PCED1A: variants seen among roughly 807,000 people sequenced by gnomAD.
The protein encoded by PCED1A is PC-esterase domain-containing protein 1A.
A neutral mutation model predicts 41.9 loss-of-function variants in PCED1A; 20 were observed. The observed-to-expected ratio is 0.48, with a 90% CI of 0.34 to 0.69. PCED1A has a LOEUF of 0.69. Among genes scored for constraint, PCED1A ranks in the 30% least tolerant of loss-of-function variants. PCED1A has a pLI of 0.01. For missense variants in PCED1A, 498 were observed against 602.1 expected, an observed-to-expected ratio of 0.83 and a Z score of 1.81; for synonymous variants, 236 against 241.3, an observed-to-expected ratio of 0.98 and a Z score of 0.20.
In PCED1A at chr20:2,839,177, C is replaced by T; in HGVS notation, c.204+15G>A. 6 of 1,612,936 alleles carry T rather than the reference C, an allele frequency of 3.7e-6. No homozygotes were observed. Among genetic ancestry groups the T allele is most frequent in the Non-Finnish European group, 4.2e-6 (5 of 1,179,806 alleles). ...TGCCCACCCACCACTGACATGGCCACCAAGCTTCCCTCACCTTGGCTTTCA... is the reference window on the plus strand; with the variant it reads ...TGCCCACCCACCACTGACATGGCCATCAAGCTTCCCTCACCTTGGCTTTCA... On this transcript the variant is annotated intron_variant, in intron 3 of 7. Transcript: ENST00000360652.
rs2088804364 is a variant in PCED1A at position 2,835,436 on chromosome 20, C to G, written c.*26G>C. 6.3e-7 allele frequency: 1 copy of G among 1,585,044 alleles called. No homozygotes were observed. The highest frequency in any genetic ancestry group is 1.7e-5 in the Admixed American group (1 of 58,514). ...GGCAGGCCCTGAAGGGCCATTGGCA[C>G]ATCCAGTCCCAGCCCAAGATCCAGT... On this transcript the variant is annotated 3_prime_UTR_variant, in exon 8 of 8. Coordinates refer to ENST00000360652, the MANE Select transcript of PCED1A (RefSeq NM_022760.6).
chr20:2,835,428 C>T lies in PCED1A; in HGVS notation c.*34G>A, dbSNP rs756356507. 1.9e-6 allele frequency: 3 copies of T among 1,577,726 alleles called. No individual in the cohort carries two copies. In the South Asian group the frequency reaches 3.5e-5, roughly 18 times the overall value. On this transcript the variant is annotated 3_prime_UTR_variant, in exon 8 of 8. Coordinates refer to ENST00000360652, the MANE Select transcript of PCED1A (RefSeq NM_022760.6). ...AGGTGCCAGGCAGGCCCTGAAGGGC[C>T]ATTGGCACATCCAGTCCCAGCCCAA...
chr20:2,836,291 C>G lies in PCED1A; in HGVS notation c.865G>C (p.Glu289Gln). The G allele has an allele frequency of 6.2e-7, 1 of 1,614,144 alleles. No individual in the cohort carries two copies. The highest frequency in any genetic ancestry group is 1.1e-5 in the South Asian group (1 of 91,078). ...PPDPWIEDWAEMNHPFQGSHR... is the reference protein window; with the variant it reads ...PPDPWIEDWAQMNHPFQGSHR... ...CTTCCCTGGAATGGATGATTCATCT[C>G]TGCCCAGTCCTCAATCCACGGGTCT... The change falls in exon 7 of 8, where the codon GAG becomes CAG. Residue 289 changes from glutamate to glutamine, a missense_variant. Physicochemically the swap from Glu to Gln is conservative, Grantham distance 29. Coordinates refer to ENST00000360652, the MANE Select transcript of PCED1A (RefSeq NM_022760.6).
chr20:2,838,335 A>T lies in PCED1A; in HGVS notation c.738T>A (p.Gly246=). ...RHAVQHRHRD[G]VHWDQHAHRH... ...GGTGTGCATGCTGGTCCCAGTGGAC[A>T]CCATCCCGATGACGGTGCTGTACTG... The change falls in exon 6 of 8, where the codon GGT becomes GGA. Residue 246 remains glycine (G), a synonymous_variant. Coordinates refer to ENST00000360652, the MANE Select transcript of PCED1A (RefSeq NM_022760.6). The surrounding 1 kb of genome is among the most constrained non-coding windows in gnomAD (Gnocchi z 5.8). 1 of 1,614,258 alleles carries T rather than the reference A, an allele frequency of 6.2e-7. No homozygotes were observed. Among genetic ancestry groups the T allele is most frequent in the Non-Finnish European group, 8.5e-7 (1 of 1,180,042 alleles).
In PCED1A at chr20:2,835,585, G is replaced by A; in HGVS notation, c.1242C>T (p.Ser414=). ...HRGMPRYVPN[S]PYHVRRMGGP... is the part of the protein sequence containing the mutation. ...CCCCCATTCTCCGCACATGGTAGGG[G>A]CTGTTAGGAACATAGCGTGGCATCC... The change falls in exon 8 of 8, where the codon AGC becomes AGT. Residue 414 remains serine (S), a synonymous_variant. Coordinates refer to ENST00000360652, the MANE Select transcript of PCED1A (RefSeq NM_022760.6). 6.2e-7 allele frequency: 1 copy of A among 1,614,198 alleles called. No individual in the cohort carries two copies. Among genetic ancestry groups the A allele is most frequent in the Non-Finnish European group, 8.5e-7 (1 of 1,180,016 alleles).
At position 2,838,718 on chromosome 20, in the gene PCED1A, G is replaced by T; in HGVS notation, c.472C>A (p.Arg158=). 1 of 1,614,140 alleles carries T rather than the reference G, an allele frequency of 6.2e-7. No homozygotes were observed. Among genetic ancestry groups the T allele is most frequent in the Non-Finnish European group, 8.5e-7 (1 of 1,180,026 alleles). ...ACAAACACCCGCTCCAGGTTCTCCC[G>T]GTAGCTCTCCATTGAGCAGCGACCA... ...RYGRCSMESY[R]ENLERVFVRM... Residue 158 remains arginine, a synonymous_variant, in exon 5 of 8, where the codon CGG becomes AGG. Transcript: ENST00000360652. The surrounding 1 kb of genome is among the most constrained non-coding windows in gnomAD (Gnocchi z 5.8).
At position 2,840,274 on chromosome 20, in the gene PCED1A, C is replaced by G. The variant is rs2088939070; in HGVS notation, c.-85G>C. Reference sequence around the variant, plus strand: ...GTATGCCTGCGCACCGCGCGCCTGGCCCGCAGCGGGCTCCTAGCCAAGCCT... The same window carrying G: ...GTATGCCTGCGCACCGCGCGCCTGGGCCGCAGCGGGCTCCTAGCCAAGCCT... On this transcript the variant is annotated 5_prime_UTR_variant, in exon 1 of 8. Transcript: ENST00000360652. The G allele has an allele frequency of 1.2e-5, 3 of 240,568 alleles. No homozygotes were observed. Among genetic ancestry groups the G allele is most frequent in the Middle Eastern group, 1.4e-3 (1 of 722 alleles). The allele number at this position is 240,568 out of a possible 1,614,324, so 14.9% of individuals were successfully genotyped here. A position where few individuals can be genotyped will look rare whatever the true frequency, so the allele number is the denominator to read the frequency against.
rs764951009 is a variant in PCED1A, at chr20:2,839,094, C to T, written c.205-12G>A. On this transcript the variant is annotated splice_polypyrimidine_tract_variant and intron_variant, in intron 3 of 7. Transcript: ENST00000360652. Reference sequence around the variant, plus strand: ...AAGCTCAGCTCCCCCTACCCACCCCCCCCACCCTACTGGTCAGACCCATGC... The same window carrying T: ...AAGCTCAGCTCCCCCTACCCACCCCTCCCACCCTACTGGTCAGACCCATGC... 5 of 1,588,686 alleles carry T rather than the reference C, an allele frequency of 3.1e-6. No homozygotes were observed. The African/African-American group carries it at 4.1e-5, about 13-fold the overall frequency.
At position 2,839,934 on chromosome 20, in the gene PCED1A, C is replaced by A; in HGVS notation, c.-21-1G>T. The A allele has an allele frequency of 6.2e-7, 1 of 1,606,938 alleles. No individual in the cohort carries two copies. Among genetic ancestry groups the A allele is most frequent in the East Asian group, 2.2e-5 (1 of 44,808 alleles). ...CCATGCCGCCACCAGCAACGACAGG[C>A]TGCAGGGAGAGGCCACTAAGCAGCG... On this transcript the variant is annotated splice_acceptor_variant, in intron 1 of 7. Transcript: ENST00000360652. LOFTEE classifies it low-confidence loss of function (5UTR_SPLICE).
In PCED1A at chr20:2,840,636, G is replaced by A; in HGVS notation, c.-447C>T. On this transcript the variant is annotated 5_prime_UTR_variant, in exon 1 of 8. Coordinates refer to ENST00000360652, the MANE Select transcript of PCED1A (RefSeq NM_022760.6). ...GCTGGGGTCTCGGGGCGGCAGCCAA[G>A]TGAGGCTGCCCACAGTGGTGATGGC... The A allele has an allele frequency of 3.2e-6, 3 of 942,464 alleles. No homozygotes were observed. Among genetic ancestry groups the A allele is most frequent in the Non-Finnish European group, 4.9e-6 (3 of 608,926 alleles). 58.4% of individuals were successfully genotyped at this position (942,464 alleles called of 1,614,324 possible). A position where few individuals can be genotyped will look rare whatever the true frequency, so the allele number is the denominator to read the frequency against.
chr20:2,840,875 C>T (rs1488145717), upstream of PCED1A: 2 of 1,526,006 alleles, frequency 1.3e-6, no homozygotes, highest in South Asian at 1.2e-5. Flanking sequence ...CCCTGCTCGC[C>T]CGCCGGCTGG....
Position 2,839,951 on chromosome 20 carries a change from T to C in PCED1A, c.-21-18A>G. 1 of 1,595,026 alleles carries C rather than the reference T, an allele frequency of 6.3e-7. No homozygotes were observed. Among genetic ancestry groups the C allele is most frequent in the Admixed American group, 1.7e-5 (1 of 58,672 alleles). On this transcript the variant is annotated intron_variant, in intron 1 of 7. Coordinates refer to ENST00000360652, the MANE Select transcript of PCED1A (RefSeq NM_022760.6). ...ACGACAGGCTGCAGGGAGAGGCCAC[T>C]AAGCAGCGCGATGGTGGGGACTCTG...
chr20:2,840,508 C>A lies in PCED1A; in HGVS notation c.-319G>T. ...CCGTTCACCCATGTCCCGCCCTGAG[C>A]GACCCCCAGTGCCCGAAGGGAAAGC... is the stretch of plus-strand genomic sequence containing the variant. On this transcript the variant is annotated 5_prime_UTR_variant, in exon 1 of 8. Coordinates refer to ENST00000360652, the MANE Select transcript of PCED1A (RefSeq NM_022760.6). 1 of 546,168 alleles carries A rather than the reference C, an allele frequency of 1.8e-6. No individual in the cohort carries two copies. The highest frequency in any genetic ancestry group is 2.1e-5 in the South Asian group (1 of 47,906). The allele number at this position is 546,168 out of a possible 1,614,324, so 33.8% of individuals were successfully genotyped here.
upstream of PCED1A, chr20:2,840,740 C>A (rs761983952): frequency 6.5e-7 from 1 of 1,546,936 alleles, no homozygotes; most frequent in Non-Finnish European, 8.7e-7. Context: ...GGTGGGTGTC[C>A]CCTCGGTGCT....
Position 2,840,655 on chromosome 20 carries a change from T to C in PCED1A, c.-466A>G. On this transcript the variant is annotated 5_prime_UTR_variant, in exon 1 of 8. Coordinates refer to ENST00000360652, the MANE Select transcript of PCED1A (RefSeq NM_022760.6). Reference sequence around the variant, plus strand: ...AGCCAAGTGAGGCTGCCCACAGTGGTGATGGCCGCGGCGGCGGCCTCGCCA... The same window carrying C: ...AGCCAAGTGAGGCTGCCCACAGTGGCGATGGCCGCGGCGGCGGCCTCGCCA... The C allele has an allele frequency of 2.6e-6, 3 of 1,132,136 alleles. No homozygotes were observed. Among genetic ancestry groups the C allele is most frequent in the Non-Finnish European group, 3.9e-6 (3 of 771,378 alleles). 70.1% of individuals were successfully genotyped at this position (1,132,136 alleles called of 1,614,324 possible). A position where few individuals can be genotyped will look rare whatever the true frequency, so the allele number is the denominator to read the frequency against.
In PCED1A at chr20:2,839,941, G is replaced by A. The variant is rs374289544; in HGVS notation, c.-21-8C>T. On this transcript the variant is annotated splice_polypyrimidine_tract_variant and splice_region_variant and intron_variant, in intron 1 of 7. Transcript: ENST00000360652. Reference sequence around the variant, plus strand: ...GCCACCAGCAACGACAGGCTGCAGGGAGAGGCCACTAAGCAGCGCGATGGT... The same window carrying A: ...GCCACCAGCAACGACAGGCTGCAGGAAGAGGCCACTAAGCAGCGCGATGGT... 3 of 1,605,040 alleles carry A rather than the reference G, an allele frequency of 1.9e-6. No homozygotes were observed. The highest frequency in any genetic ancestry group is 1.1e-5 in the South Asian group (1 of 90,516).
rs74973574 is a variant in PCED1A at position 2,835,368 on chromosome 20, T to C, written c.*94A>G. 2.0e-3 allele frequency: 2,956 copies of C among 1,446,762 alleles called. 57 individuals are homozygous for C. The African/African-American group carries it at 0.035, about 17-fold the overall frequency. 89.6% of individuals were successfully genotyped at this position (1,446,762 alleles called of 1,614,324 possible). A position where few individuals can be genotyped will look rare whatever the true frequency, so the allele number is the denominator to read the frequency against. ...TGGTGACAGCAATGGACAAGAACAATACCAGGCATAGCAGACACCCTAGCC... is the reference window on the plus strand; with the variant it reads ...TGGTGACAGCAATGGACAAGAACAACACCAGGCATAGCAGACACCCTAGCC... On this transcript the variant is annotated 3_prime_UTR_variant, in exon 8 of 8. Coordinates refer to ENST00000360652, the MANE Select transcript of PCED1A (RefSeq NM_022760.6).
rs147120947 is a variant in PCED1A at position 2,836,640 on chromosome 20, C to T, written c.842-326G>A. Among the ~76,000 whole-genome samples the T allele has an allele frequency of 2.5e-3, 386 of 152,276 alleles. 1 individual carries two copies. Among genetic ancestry groups the T allele is most frequent in the Non-Finnish European group, 4.4e-3 (302 of 68,018 alleles). ...CAGTAAATAAGCCAAACATAAAGATCCTGTTATTCCCTTCCCCAACAACTT... is the reference window on the plus strand; with the variant it reads ...CAGTAAATAAGCCAAACATAAAGATTCTGTTATTCCCTTCCCCAACAACTT... On this transcript the variant is annotated intron_variant, in intron 6 of 7. Transcript: ENST00000360652.
At position 2,837,447 on chromosome 20, in the gene PCED1A, C is replaced by T. The variant is rs1405179165; in HGVS notation, c.841+785G>A. 2.0e-5 allele frequency among the ~76,000 whole-genome samples: 3 copies of T among 152,252 alleles called. No individual in the cohort carries two copies. In the East Asian group the frequency reaches 5.8e-4, roughly 29 times the overall value. ...ACTGGGGCTGAAAGGGGTGAGTCGT[C>T]AACAAGTGCAGCAGGAAACTTGCCC... On this transcript the variant is annotated intron_variant, in intron 6 of 7. Transcript: ENST00000360652.
Sources: allele counts gnomAD v4.1 joint callset (sites outside exome capture counted in the v4.1 genomes callset), GRCh38; gene constraint gnomAD v4.1.1; non-coding constraint Gnocchi (gnomAD v3.1); transcripts MANE v1.5; gene names NCBI Gene and HGNC (gene_info 2026-07-23, HGNC 2026-07-21).